Variants in SEC61A2 observed in about 807,000 individuals in gnomAD.
SEC61A2 encodes protein transport protein Sec61 subunit alpha isoform 2.
A neutral mutation model predicts 59.9 loss-of-function variants in SEC61A2; 28 were observed. The observed-to-expected ratio is 0.47, with a 90% CI of 0.35 to 0.64. The LOEUF (loss-of-function observed/expected upper bound fraction) is 0.64, where lower values mean the gene tolerates loss of function less well. Ranked by LOEUF, SEC61A2 falls within the 30% of genes least tolerant of loss-of-function variation. The pLI is 0.01. For missense variants in SEC61A2, 340 were observed against 585.9 expected (o/e 0.58, Z 4.33); for synonymous variants, 202 against 214.4 (o/e 0.94, Z 0.50).
intron 9 of SEC61A2, among the ~76,000 whole-genome samples, chr10:12,159,088 C>G (rs190330309): frequency 1.3e-3 from 201 of 151,962 alleles, no homozygotes; most frequent in African/African-American, 4.0e-3. Context: ...TGCCATTCTC[C>G]TGCCTCAGCC....
chr10:12,157,892 C>G lies in SEC61A2; in HGVS notation c.778-16C>G, dbSNP rs746216010. 3 of 1,613,444 alleles carry G rather than the reference C, an allele frequency of 1.9e-6. No homozygotes were observed. The highest frequency in any genetic ancestry group is 2.5e-6 in the Non-Finnish European group (3 of 1,179,428). ...TGTGTCTGGCTCCCCCACTTACTCT[C>G]CGTTTCCTTTTTTAGGGATTTCGCG... On this transcript the variant is annotated splice_polypyrimidine_tract_variant and intron_variant, in intron 8 of 11. Transcript: ENST00000298428.
intron 4 of SEC61A2, among the ~76,000 whole-genome samples, chr10:12,147,406 T>C (rs933462330): frequency 6.6e-6 from 1 of 152,136 alleles, no homozygotes; most frequent in Non-Finnish European, 1.5e-5. Flanking sequence ...ACATGGAGGC[T>C]GGGCACAGTG....
rs1320165025 is a variant in SEC61A2, at chr10:12,164,679, T to G, written c.*225T>G. On this transcript the variant is annotated 3_prime_UTR_variant, in exon 12 of 12. Transcript: ENST00000298428. The surrounding 1 kb of genome is among the most constrained non-coding windows in gnomAD (Gnocchi z 7.3). ...TATTCATTAAAAAAAGTACATCTAG[T>G]GTTGCCTGTAATGCTGGAAACCAGT... The G allele has an allele frequency of 4.1e-5, 54 of 1,327,686 alleles. No homozygotes were observed. Among genetic ancestry groups the G allele is most frequent in the Non-Finnish European group, 5.1e-5 (53 of 1,043,084 alleles). 82.2% of individuals were successfully genotyped at this position (1,327,686 alleles called of 1,614,324 possible). A position where few individuals can be genotyped will look rare whatever the true frequency, so the allele number is the denominator to read the frequency against.
In SEC61A2 at chr10:12,156,830, T is replaced by C; in HGVS notation, c.617-77T>C. 6.7e-7 allele frequency: 1 copy of C among 1,487,860 alleles called. No individual in the cohort carries two copies. The allele number at this position is 1,487,860 out of a possible 1,614,324, so 92.2% of individuals were successfully genotyped here. A position where few individuals can be genotyped will look rare whatever the true frequency, so the allele number is the denominator to read the frequency against. ...CCATATTTTCTGCTGTATACTGGAC[T>C]TTCACGGTTAGTTGTTTGAGCTTTG... On this transcript the variant is annotated intron_variant, in intron 7 of 11. Transcript: ENST00000298428. The surrounding 1 kb of genome is among the most constrained non-coding windows in gnomAD (Gnocchi z 5.2).
In SEC61A2 at chr10:12,149,737, A is replaced by G. The variant is rs367730633; in HGVS notation, c.352+11A>G. On this transcript the variant is annotated intron_variant, in intron 5 of 11. Coordinates refer to ENST00000298428, the MANE Select transcript of SEC61A2 (RefSeq NM_018144.4). The surrounding 1 kb of genome is among the most constrained non-coding windows in gnomAD (Gnocchi z 5.2). ...ATGGAGCCCAGAAACGTGAGCATTA[A>G]TGCAATTAAAGAGCATTCTCCAAAT... 7.5e-6 allele frequency: 12 copies of G among 1,608,990 alleles called. No homozygotes were observed. The highest frequency in any genetic ancestry group is 1.0e-5 in the Non-Finnish European group (12 of 1,178,392).
At chr10:12,136,542 G>A (rs982423084) in intron 3 of SEC61A2, among the ~76,000 whole-genome samples, 1 of 152,178 alleles carries the variant, frequency 6.6e-6, no homozygotes, top group African/African-American at 2.4e-5. Context: ...TCTGCCTCCT[G>A]GGTTCAAGTG....
chr10:12,161,185 C>G lies in SEC61A2; in HGVS notation c.1167+64C>G. On this transcript the variant is annotated intron_variant, in intron 10 of 11. Transcript: ENST00000298428. The surrounding 1 kb of genome is among the most constrained non-coding windows in gnomAD (Gnocchi z 5.4). ...ATGCATGGTGGCGCACATCTGTAAT[C>G]GTAGCACTTTGGCAGGCTGAGGCCG... 7 of 1,384,118 alleles carry G rather than the reference C, an allele frequency of 5.1e-6. No homozygotes were observed. 85.7% of individuals were successfully genotyped at this position (1,384,118 alleles called of 1,614,324 possible). A position where few individuals can be genotyped will look rare whatever the true frequency, so the allele number is the denominator to read the frequency against.
chr10:12,169,398 G>A (rs1834798660), downstream of SEC61A2: 3 of 1,024,670 alleles, frequency 2.9e-6, no homozygotes, highest in African/African-American at 3.3e-5. This position sits in a 1 kb window ranked among gnomAD's most constrained non-coding sequence, Gnocchi z 4.8. Flanking sequence ...TCAGAGGGAG[G>A]GGCTGTTATT....
Position 12,155,121 on chromosome 10 carries a change from A to G in SEC61A2, c.463-657A>G, listed in dbSNP as rs1489812559. On this transcript the variant is annotated intron_variant, in intron 6 of 11. Coordinates refer to ENST00000298428, the MANE Select transcript of SEC61A2 (RefSeq NM_018144.4). The surrounding 1 kb of genome is among the most constrained non-coding windows in gnomAD (Gnocchi z 4.3). ...TTAAAGTCAGTATGCTTTCATTTTT[A>G]AAAACAATATGAGCTTAACCTTAAC... is the stretch of plus-strand genomic sequence containing the variant. 6.6e-6 allele frequency among the ~76,000 whole-genome samples: 1 copy of G among 152,218 alleles called. No homozygotes were observed. Among genetic ancestry groups the G allele is most frequent in the African/African-American group, 2.4e-5 (1 of 41,460 alleles).
At position 12,156,649 on chromosome 10, in the gene SEC61A2, G is replaced by A. The variant is rs1465223614; in HGVS notation, c.617-258G>A. Among the ~76,000 whole-genome samples, 1 of 152,170 alleles carries A rather than the reference G, an allele frequency of 6.6e-6. No homozygotes were observed. Among genetic ancestry groups the A allele is most frequent in the Non-Finnish European group, 1.5e-5 (1 of 68,032 alleles). On this transcript the variant is annotated intron_variant, in intron 7 of 11. Transcript: ENST00000298428. This position sits in a 1 kb window ranked among gnomAD's most constrained non-coding sequence, Gnocchi z 5.2. ...TCTCTATGAATGAAATTTTGCTTTG[G>A]TAAATTTTACGTTGTATGTTTTCTT...
In SEC61A2 at chr10:12,139,652, C is replaced by T. The variant is rs185956869; in HGVS notation, c.142-3465C>T. ...AGAAAAAATTAGGCGGGCGTGGTGG[C>T]GGGCGCCTGTAGTCCCAGCTGCTCG... On this transcript the variant is annotated intron_variant, in intron 3 of 11. Transcript: ENST00000298428. Among the ~76,000 whole-genome samples the T allele has an allele frequency of 9.7e-3, 1,484 of 152,208 alleles. 21 individuals carry two copies. The highest frequency in any genetic ancestry group is 0.038 in the South Asian group (182 of 4,814).
Position 12,149,973 on chromosome 10 carries a change from T to C in SEC61A2, c.462+12T>C. 1.3e-6 allele frequency: 2 copies of C among 1,540,658 alleles called. No individual in the cohort carries two copies. The highest frequency in any genetic ancestry group is 1.8e-6 in the Non-Finnish European group (2 of 1,113,120). ...TGATCATCATTCAGGTAAGAAATCC[T>C]ATATTTTCCTATGCAGATAACAAAA... On this transcript the variant is annotated intron_variant, in intron 6 of 11. Coordinates refer to ENST00000298428, the MANE Select transcript of SEC61A2 (RefSeq NM_018144.4). This position sits in a 1 kb window ranked among gnomAD's most constrained non-coding sequence, Gnocchi z 5.2.
intron 1 of SEC61A2, among the ~76,000 whole-genome samples, chr10:12,132,613 CA>C (rs58070623): frequency 0.47 from 63,806 of 134,756 alleles, 14,298 homozygotes; most frequent in East Asian, 0.53. Context: ...GACTCTGTCT[CA>C]AAAAAAAAAA....
rs945705468 is a variant in SEC61A2 at position 12,154,349 on chromosome 10, A to G, written c.463-1429A>G. Reference sequence around the variant, plus strand: ...TGTAGTCCGATGGTCACTGTTCTGAACAGGGGGTGTGGAGAATTAGAGTTG... The same window carrying G: ...TGTAGTCCGATGGTCACTGTTCTGAGCAGGGGGTGTGGAGAATTAGAGTTG... On this transcript the variant is annotated intron_variant, in intron 6 of 11. Transcript: ENST00000298428. The surrounding 1 kb of genome is among the most constrained non-coding windows in gnomAD (Gnocchi z 5.2). 1.3e-5 allele frequency among the ~76,000 whole-genome samples: 2 copies of G among 152,206 alleles called. No homozygotes were observed. The highest frequency in any genetic ancestry group is 2.1e-4 in the South Asian group (1 of 4,836).
At position 12,162,305 on chromosome 10, in the gene SEC61A2, T is replaced by C; in HGVS notation, c.1244+16T>C. On this transcript the variant is annotated intron_variant, in intron 11 of 11. Coordinates refer to ENST00000298428, the MANE Select transcript of SEC61A2 (RefSeq NM_018144.4). This position sits in a 1 kb window ranked among gnomAD's most constrained non-coding sequence, Gnocchi z 6.1. ...AGCTTAATAGGTAAGGCTGCTAGAC[T>C]GACACCTTTATAGGCCTGTGTTTGT... 1 of 1,596,586 alleles carries C rather than the reference T, an allele frequency of 6.3e-7. No homozygotes were observed. Among genetic ancestry groups the C allele is most frequent in the Non-Finnish European group, 8.6e-7 (1 of 1,164,132 alleles).
chr10:12,148,089 C>G (rs1440810986), intron 4 of SEC61A2, among the ~76,000 whole-genome samples: 1 of 151,774 alleles, frequency 6.6e-6, no homozygotes, highest in Non-Finnish European at 1.5e-5. Flanking sequence ...TACAGGCGCC[C>G]ACCACCATGC....
chr10:12,164,659 A>G lies in SEC61A2; in HGVS notation c.*205A>G. 1.5e-6 allele frequency: 2 copies of G among 1,364,340 alleles called. No homozygotes were observed. Among genetic ancestry groups the G allele is most frequent in the South Asian group, 1.7e-5 (1 of 58,318 alleles). The allele number at this position is 1,364,340 out of a possible 1,614,324, so 84.5% of individuals were successfully genotyped here. A position where few individuals can be genotyped will look rare whatever the true frequency, so the allele number is the denominator to read the frequency against. The stretch of plus-strand genomic sequence containing the variant: ...CTTAAAACTCAAGTTTACATTATTC[A>G]TTAAAAAAAGTACATCTAGTGTTGC... On this transcript the variant is annotated 3_prime_UTR_variant, in exon 12 of 12. Coordinates refer to ENST00000298428, the MANE Select transcript of SEC61A2 (RefSeq NM_018144.4). This position sits in a 1 kb window ranked among gnomAD's most constrained non-coding sequence, Gnocchi z 7.3.
downstream of SEC61A2, among the ~76,000 whole-genome samples, chr10:12,169,052 C>T (rs1041010321): frequency 2.0e-5 from 3 of 152,148 alleles, no homozygotes; most frequent in Non-Finnish European, 4.4e-5. The surrounding 1 kb of genome is among the most constrained non-coding windows in gnomAD (Gnocchi z 4.8). Flanking sequence ...CGTGAGCCAC[C>T]GCACCCGGCC....
Sources: gnomAD v4.1 joint callset for allele counts (sites outside exome capture counted in the v4.1 genomes callset) on GRCh38, gnomAD v4.1.1 for gene constraint, Gnocchi (gnomAD v3.1) non-coding constraint, MANE v1.5 for transcripts, NCBI Gene and HGNC (gene_info 2026-07-23, HGNC 2026-07-21) for gene names.